Variants in EPHA10 observed in about 807,000 individuals in gnomAD.
EPHA10 encodes the protein EPH receptor A10, also known as ephrin type-A receptor 10.
Under a neutral mutation model 109.7 loss-of-function variants are expected in EPHA10, and 120 were observed. The observed-to-expected ratio is 1.09, with a 90% CI of 0.94 to 1.27. The LOEUF (loss-of-function observed/expected upper bound fraction) is 1.27. EPHA10 is among the 50% of genes most tolerant of loss of function. The pLI is 0.00. For missense variants in EPHA10, 1,396 were observed against 1,411.1 expected (o/e 0.99, Z 0.17); for synonymous variants, 640 against 618.9 (o/e 1.03, Z -0.51).
chr1:37,718,469 C>T lies in EPHA10; in HGVS notation c.2930G>A (p.Gly977Asp). 1 of 1,613,460 alleles carries T rather than the reference C, an allele frequency of 6.2e-7. No individual in the cohort carries two copies. Among genetic ancestry groups the T allele is most frequent in the South Asian group, 1.1e-5 (1 of 91,090 alleles). Residue 977 changes from glycine to aspartate, a missense_variant, in exon 17 of 17, where the codon GGC becomes GAC. Gly to Asp is a moderately conservative substitution (Grantham distance 94, BLOSUM62 -1). Transcript: ENST00000373048. ...CTCTCGATGTTCAGCCAAAGAGATG[C>T]CTAGGCTCACCAGGTCCCTGAAACA... ...EMTAQDLVSLGISLAEHREAL... is the reference protein window; with the variant it reads ...EMTAQDLVSLDISLAEHREAL...
At chr1:37,738,631 T>A (rs1244163795) in intron 5 of EPHA10, among the ~76,000 whole-genome samples, 1 of 152,176 alleles carries the variant, frequency 6.6e-6, no homozygotes, top group African/African-American at 2.4e-5. Context: ...AATTACTATA[T>A]GATCCAGCAA....
chr1:37,738,692 A>G (rs979818549), intron 5 of EPHA10, among the ~76,000 whole-genome samples: 2 of 152,186 alleles, frequency 1.3e-5, no homozygotes, highest in African/African-American at 4.8e-5. Flanking sequence ...TCTTGAAGAG[A>G]TACTGCTCAC....
Position 37,719,477 on chromosome 1 carries a change from C to T in EPHA10, c.2693G>A (p.Ser898Asn). 1 of 1,614,020 alleles carries T rather than the reference C, an allele frequency of 6.2e-7. No individual in the cohort carries two copies. The highest frequency in any genetic ancestry group is 1.1e-5 in the South Asian group (1 of 91,072). The change falls in exon 15 of 17, where the codon AGC (serine) becomes AAC (asparagine). Residue 898 changes from serine (S) to asparagine (N), a missense_variant. Transcript: ENST00000373048. ...GTCCTGCACCATCTTGCTCAGGATG[C>T]TGTGGATCTGGGAGAACCTGGGCCG... ...GERPRFSQIH[S>N]ILSKMVQDPE...
Position 37,722,185 on chromosome 1 carries a change from C to A in EPHA10, c.1961-340G>T, listed in dbSNP as rs147330749. 9.0e-5 allele frequency: 22 copies of A among 244,234 alleles called. No homozygotes were observed. The East Asian group carries it at 2.3e-3, about 26-fold the overall frequency. The allele number at this position is 244,234 out of a possible 1,614,324, so 15.1% of individuals were successfully genotyped here. On this transcript the variant is annotated intron_variant, in intron 10 of 16. Coordinates refer to ENST00000373048, the MANE Select transcript of EPHA10 (RefSeq NM_001099439.2). ...TGTTTCCAGCTTAAATCCTGGTAAA[C>A]TGAGTACCAGCAGTGTGACCTCGAA...
rs1281699992 is a variant in EPHA10, at chr1:37,764,924, A to G, written c.106+37T>C. ...CATCGCCAGCCCCCTATCTTTTGGTATGCCACGCTCCGAGCAGAGCTCACC... is the reference window on the plus strand; with the variant it reads ...CATCGCCAGCCCCCTATCTTTTGGTGTGCCACGCTCCGAGCAGAGCTCACC... On this transcript the variant is annotated intron_variant, in intron 1 of 16. Transcript: ENST00000373048. This position sits in a 1 kb window ranked among gnomAD's most constrained non-coding sequence, Gnocchi z 5.8. 2 of 1,556,328 alleles carry G rather than the reference A, an allele frequency of 1.3e-6. No homozygotes were observed. The highest frequency in any genetic ancestry group is 1.9e-5 in the Admixed American group (1 of 52,156).
Position 37,761,454 on chromosome 1 carries a change from G to T in EPHA10, c.801C>A (p.Gly267=). Residue 267 remains glycine, a synonymous_variant, in exon 3 of 17, where the codon GGC becomes GGA. Coordinates refer to ENST00000373048, the MANE Select transcript of EPHA10 (RefSeq NM_001099439.2). ...GGAATCCCGCGCTGCAGCTGCAGCG[G>T]CCCACAGGCACCAGCCACTCGCCGT... ...GADGEWLVPV[G]RCSCSAGFQE... is the part of the protein sequence containing the mutation. 6.3e-7 allele frequency: 1 copy of T among 1,599,712 alleles called. No individual in the cohort carries two copies. Among genetic ancestry groups the T allele is most frequent in the Non-Finnish European group, 8.5e-7 (1 of 1,179,674 alleles).
chr1:37,720,633 C>T, intron 12 of EPHA10, 79 bp from the exon 13 acceptor site: 2 of 1,540,500 alleles, frequency 1.3e-6, no homozygotes, highest in Non-Finnish European at 1.8e-6. Context: ...GGTCACCTAG[C>T]TCTCGCCAGG....
intron 5 of EPHA10, among the ~76,000 whole-genome samples, chr1:37,743,673 T>TGA (rs34965482): frequency 0.79 from 120,658 of 151,984 alleles, 48,057 homozygotes; most frequent in Admixed American, 0.85. Context: ...ATAAATTACA[T>TGA]GATACTCAGT....
chr1:37,714,846 C>G (rs1416532626), downstream of EPHA10: 2 of 152,298 alleles, frequency 1.3e-5, no homozygotes, highest in African/African-American at 4.8e-5. Flanking sequence ...TTGCGCACAT[C>G]TTGATCTTGG....
At chr1:37,721,613 C>T in intron 11 of EPHA10, 47 bp downstream of exon 11, 1 of 1,553,734 alleles carries the variant, frequency 6.4e-7, no homozygotes, top group Non-Finnish European at 8.7e-7. Flanking sequence ...CATTTCCACC[C>T]CCCATACCCG....
intron 6 of EPHA10, 81 bp downstream of exon 6, chr1:37,735,176 T>G: frequency 6.5e-7 from 1 of 1,529,798 alleles, no homozygotes; most frequent in Non-Finnish European, 8.9e-7. Flanking sequence ...GGGCTTTTGC[T>G]GGGAGGATGG....
At chr1:37,761,048 C>T (rs1646424749) in intron 3 of EPHA10, 2 of 724,300 alleles carry the variant, frequency 2.8e-6, no homozygotes, top group African/African-American at 1.8e-5. Flanking sequence ...CAAGCCAGTG[C>T]ACTCCAGCCT....
chr1:37,762,883 C>T (rs368320796), intron 1 of EPHA10, 34 bp from the exon 2 acceptor site: 42 of 1,537,688 alleles, frequency 2.7e-5, no homozygotes, highest in African/African-American at 4.1e-5. Flanking sequence ...TATCAGAAAT[C>T]GAGAAGGTCA....
intron 5 of EPHA10, chr1:37,737,932 C>CTTTTTTTTTT (rs59082119): frequency 8.1e-5 from 5 of 61,478 alleles, no homozygotes; most frequent in Non-Finnish European, 1.5e-4. Context: ...TAACTGTAGG[C>CTTTTTTTTTT]TTTTTTTTTT....
intron 15 of EPHA10, 121 bp downstream of exon 15, chr1:37,719,293 A>C: frequency 8.6e-7 from 1 of 1,161,816 alleles, no homozygotes; most frequent in Non-Finnish European, 1.2e-6. Flanking sequence ...CTCTGGGGCA[A>C]TGGGGTGAAC....
Position 37,716,895 on chromosome 1 carries a change from GC to G in EPHA10, c.*1476del, listed in dbSNP as rs1645701823. ...CACTGACCCAGAGGGCTCCTGGGGG[GC>G]CCTGGGCACTGTGGATGGTGCCCTG... On this transcript the variant is annotated 3_prime_UTR_variant, in exon 17 of 17. Transcript: ENST00000373048. 8.6e-6 allele frequency: 2 copies of G among 233,032 alleles called. No individual in the cohort carries two copies. Among genetic ancestry groups the G allele is most frequent in the Admixed American group, 1.1e-4 (2 of 17,792 alleles). 14.4% of individuals were successfully genotyped at this position (233,032 alleles called of 1,614,324 possible).
At chr1:37,746,249 C>G (rs909893235) in intron 5 of EPHA10, among the ~76,000 whole-genome samples, 1 of 152,024 alleles carries the variant, frequency 6.6e-6, no homozygotes, top group African/African-American at 2.4e-5. Context: ...TACAGGCATG[C>G]ACCACCATGC....
Position 37,761,867 on chromosome 1 carries a change from A to G in EPHA10, c.388T>C (p.Tyr130His), listed in dbSNP as rs376467656. 8 of 1,612,356 alleles carry G rather than the reference A, an allele frequency of 5.0e-6. No individual in the cohort carries two copies. The highest frequency in any genetic ancestry group is 1.3e-5 in the African/African-American group (1 of 74,924). Residue 130 changes from tyrosine (Y) to histidine (H), a missense_variant, in exon 3 of 17, where the codon TAC becomes CAC. By Grantham distance (83) the Tyr-to-His change is moderately conservative. Transcript: ENST00000373048. ...GTCKETFNVYYLETEADLGRG... is the reference protein window; with the variant it reads ...GTCKETFNVYHLETEADLGRG... ...CCCAGGTCGGCCTCAGTTTCCAGGT[A>G]GTAGACGTTGAAGGTCTCCTTGCAG... is the stretch of plus-strand genomic sequence containing the variant.
At chr1:37,720,183 T>A (rs182613643) in intron 13 of EPHA10, 125 bp from the exon 14 acceptor site, 89 of 1,432,232 alleles carry the variant, frequency 6.2e-5, no homozygotes, top group East Asian at 5.9e-4. Flanking sequence ...CAGCTTCACA[T>A]CTGGGAAAGA....
Sources: allele counts gnomAD v4.1 joint callset (sites outside exome capture counted in the v4.1 genomes callset), GRCh38; gene constraint gnomAD v4.1.1; non-coding constraint Gnocchi (gnomAD v3.1); transcripts MANE v1.5; gene names NCBI Gene and HGNC (gene_info 2026-07-23, HGNC 2026-07-21).